Variants in EXOC4 observed in about 807,000 individuals in gnomAD.
EXOC4 encodes exocyst complex component 4, also known as SEC8-like 1.
A neutral mutation model predicts 107.2 loss-of-function variants in EXOC4; 71 were observed. The ratio of observed to expected loss-of-function variants is 0.66; its 90% CI spans 0.55 to 0.81. The LOEUF (loss-of-function observed/expected upper bound fraction) is 0.81. EXOC4 is among the 30% of genes least tolerant of loss of function. The pLI is 0.00. For synonymous variants in EXOC4, 456 were observed against 441.2 expected, an observed-to-expected ratio of 1.03 and a Z score of -0.42; for missense variants, 1,108 against 1,189.6, an observed-to-expected ratio of 0.93 and a Z score of 1.01.
intron 12 of EXOC4, among the ~76,000 whole-genome samples, chr7:133,908,787 A>G (rs1799624097): frequency 6.6e-6 from 1 of 152,222 alleles, no homozygotes; most frequent in East Asian, 1.9e-4. Context: ...AAATTAATTC[A>G]TTGATGATAT....
At chr7:134,086,910 A>G in the EXOC4 span, among the ~76,000 whole-genome samples, 2 of 152,304 alleles carry the variant, frequency 1.3e-5, no homozygotes, top group South Asian at 2.1e-4. Context: ...TGTCATTGCC[A>G]TGGCATTTGT....
At chr7:134,004,755 T>A (rs946326578) in intron 15 of EXOC4, among the ~76,000 whole-genome samples, 157 bp from the exon 16 acceptor site, 5 of 152,122 alleles carry the variant, frequency 3.3e-5, no homozygotes, top group Non-Finnish European at 7.4e-5. Flanking sequence ...GCATAGTGTC[T>A]GGCACAAATA....
intron 10 of EXOC4, among the ~76,000 whole-genome samples, chr7:133,664,572 C>T (rs1464917476): frequency 6.6e-6 from 1 of 152,096 alleles, no homozygotes; most frequent in Non-Finnish European, 1.5e-5. Context: ...ACAAGAGAAA[C>T]ACATATTACC....
At chr7:133,920,998 CAGAT>C (rs1366053334) in intron 13 of EXOC4, among the ~76,000 whole-genome samples, 16 of 152,284 alleles carry the variant, frequency 1.1e-4, no homozygotes, top group African/African-American at 3.6e-4. Flanking sequence ...GAGGGATAGA[CAGAT>C]AGATTAATTG....
At chr7:133,335,213 T>TA (rs961614332) in intron 5 of EXOC4, among the ~76,000 whole-genome samples, 1 of 152,178 alleles carries the variant, frequency 6.6e-6, no homozygotes, top group African/African-American at 2.4e-5. Flanking sequence ...TTTAATGTTT[T>TA]AAAAAACTCA....
chr7:133,621,375 A>C (rs1403083838), intron 9 of EXOC4, among the ~76,000 whole-genome samples: 1 of 111,698 alleles, frequency 9.0e-6, no homozygotes, highest in Non-Finnish European at 1.9e-5. Context: ...GTTGAACTAC[A>C]AAAAAAAATA....
At chr7:133,605,332 A>C (rs1306391804) in intron 9 of EXOC4, among the ~76,000 whole-genome samples, 4 of 152,150 alleles carry the variant, frequency 2.6e-5, no homozygotes, top group Non-Finnish European at 4.4e-5. Flanking sequence ...GAATTGTACA[A>C]TTATCACTAC....
intron 9 of EXOC4, among the ~76,000 whole-genome samples, chr7:133,558,918 C>T (rs1453088285): frequency 6.6e-6 from 1 of 152,194 alleles, no homozygotes; most frequent in East Asian, 1.9e-4. Flanking sequence ...GCCTTCCTTA[C>T]TTTTAAGACA....
intron 7 of EXOC4, among the ~76,000 whole-genome samples, chr7:133,375,266 A>G (rs1796464199): frequency 6.6e-6 from 1 of 152,192 alleles, no homozygotes; most frequent in African/African-American, 2.4e-5. Flanking sequence ...ACCTGAGGTC[A>G]GGAGTCTGAG....
chr7:133,267,113 C>T (rs1793748540), intron 1 of EXOC4, among the ~76,000 whole-genome samples: 1 of 152,210 alleles, frequency 6.6e-6, no homozygotes, highest in African/African-American at 2.4e-5. Flanking sequence ...TATTCTTGCA[C>T]AAGCCATCTC....
At chr7:134,070,585 G>A (rs1313895804), downstream of EXOC4, among the ~76,000 whole-genome samples, 1 of 152,134 alleles carries the variant, frequency 6.6e-6, no homozygotes, top group African/African-American at 2.4e-5. Context: ...GTGTGAGTGT[G>A]ATGAAACGTA....
intron 11 of EXOC4, among the ~76,000 whole-genome samples, chr7:133,893,545 G>GA (rs1315061595): frequency 1.5e-5 from 1 of 64,972 alleles, no homozygotes; most frequent in Non-Finnish European, 2.6e-5. Flanking sequence ...ATTTTGGCAT[G>GA]ATTTTGCAGC....
At chr7:133,372,593 T>C (rs1796401847) in intron 6 of EXOC4, among the ~76,000 whole-genome samples, 1 of 152,202 alleles carries the variant, frequency 6.6e-6, no homozygotes. Flanking sequence ...TGAGCAGCTC[T>C]TGTCCTTGAC....
intron 3 of EXOC4, among the ~76,000 whole-genome samples, chr7:133,297,831 A>G (rs1794552356): frequency 6.6e-6 from 1 of 152,158 alleles, no homozygotes; most frequent in Non-Finnish European, 1.5e-5. Flanking sequence ...AATCAGATAA[A>G]CCAAGTGTGA....
intron 14 of EXOC4, among the ~76,000 whole-genome samples, chr7:133,977,738 TTGTGTG>T (rs201003706): frequency 1.6e-4 from 14 of 88,266 alleles, no homozygotes; most frequent in African/African-American, 3.8e-4. Context: ...TTTTGTTGTT[TTGTGTG>T]TGTGTGTGTG....
At chr7:133,786,421 C>G (rs984502879) in intron 10 of EXOC4, among the ~76,000 whole-genome samples, 3 of 152,200 alleles carry the variant, frequency 2.0e-5, no homozygotes. Flanking sequence ...GCTGTGGATC[C>G]TTCTCTGAGA....
Position 133,604,710 on chromosome 7 carries a change from C to CTTTTTTTTTTTT in EXOC4, c.1418-25315_1418-25304dup, listed in dbSNP as rs61548710. Reference sequence around the variant, plus strand: ...TCTTTCCTTCCTTCCTTCCTTCTTTCTTTTTTTTTTTTTTTTTTTTTTTTT... The same window carrying CTTTTTTTTTTTT: ...TCTTTCCTTCCTTCCTTCCTTCTTTCTTTTTTTTTTTTTTTTTTTTTTTTTTTTTTTTTTTTT... On this transcript the variant is annotated intron_variant, in intron 9 of 17. Transcript: ENST00000253861. Among the ~76,000 whole-genome samples the CTTTTTTTTTTTT allele has an allele frequency of 4.0e-4, 20 of 50,264 alleles. 1 individual carries two copies. The highest frequency in any genetic ancestry group is 7.8e-4 in the African/African-American group (10 of 12,864). 33.0% of individuals were successfully genotyped at this position (50,264 alleles called of 152,430 possible).
intron 9 of EXOC4, among the ~76,000 whole-genome samples, chr7:133,503,606 T>A (rs1256506530): frequency 2.6e-5 from 4 of 152,158 alleles, no homozygotes; most frequent in Non-Finnish European, 4.4e-5. Context: ...CTTGTCAGAT[T>A]TATAGTCATC....
chr7:133,751,307 C>T (rs920638797), intron 10 of EXOC4, among the ~76,000 whole-genome samples: 1 of 152,192 alleles, frequency 6.6e-6, no homozygotes, highest in Middle Eastern at 3.4e-3. Flanking sequence ...AGCAGATGTA[C>T]CAAATTACAG....
Sources: gnomAD v4.1 joint callset for allele counts (sites outside exome capture counted in the v4.1 genomes callset) on GRCh38, gnomAD v4.1.1 for gene constraint, MANE v1.5 for transcripts, NCBI Gene and HGNC (gene_info 2026-07-23, HGNC 2026-07-21) for gene names.